SEMA6D: variants seen among roughly 807,000 people sequenced by gnomAD.
The protein encoded by SEMA6D is semaphorin 6D.
SEMA6D carries 35 observed loss-of-function variants against 106.6 expected under a neutral mutation model. That is an observed-to-expected ratio of 0.33 (90% CI 0.25 to 0.44). The LOEUF (loss-of-function observed/expected upper bound fraction) is 0.44, where lower values mean the gene tolerates loss of function less well. Among genes scored for constraint, SEMA6D ranks in the 20% least tolerant of loss-of-function variants. The pLI is 1.00. For missense variants in SEMA6D, 1,185 were observed against 1,345.9 expected, an observed-to-expected ratio of 0.88 and a Z score of 1.87; for synonymous variants, 499 against 487.7, an observed-to-expected ratio of 1.02 and a Z score of -0.31.
At position 47,774,088 on chromosome 15, in the gene SEMA6D, G is replaced by C. The variant is rs2082741107; in HGVS notation, c.*2303G>C. 6.6e-6 allele frequency: 1 copy of C among 152,496 alleles called. No individual in the cohort carries two copies. 9.4% of individuals were successfully genotyped at this position (152,496 alleles called of 1,614,324 possible). ...ATAAAAAGTAACCCTCAAGTGAAGT[G>C]TCTCTATACTGTTTTATAGAGTACT... is the stretch of plus-strand genomic sequence containing the variant. On this transcript the variant is annotated 3_prime_UTR_variant, in exon 19 of 19. Transcript: ENST00000536845.
intron 1 of SEMA6D, among the ~76,000 whole-genome samples, chr15:47,225,861 TTTGGTATAACAG>T (rs1319522612): frequency 1.3e-5 from 2 of 152,104 alleles, no homozygotes; most frequent in African/African-American, 4.8e-5. Flanking sequence ...TCTTTGACTG[TTTGGTATAACAG>T]TACTTTATTG....
chr15:47,528,532 A>G (rs2044839199), intron 3 of SEMA6D, among the ~76,000 whole-genome samples: 1 of 151,994 alleles, frequency 6.6e-6, no homozygotes, highest in South Asian at 2.1e-4. Flanking sequence ...AGAAGACTGG[A>G]TTTTCAGCCT....
chr15:47,646,291 G>A lies in SEMA6D; in HGVS notation c.-55+45395G>A, dbSNP rs931848509. 5.9e-5 allele frequency among the ~76,000 whole-genome samples: 9 copies of A among 152,274 alleles called. No homozygotes were observed. In the East Asian group the frequency reaches 7.7e-4, roughly 13 times the overall value. The stretch of plus-strand genomic sequence containing the variant: ...GCTGATTTCAACGGTTTTAGAAGCC[G>A]TATGCCAGGAAACTTACCAAATAAA... On this transcript the variant is annotated intron_variant, in intron 4 of 19. Transcript: ENST00000558014.
chr15:47,231,799 CAG>C (rs1281914564), intron 1 of SEMA6D, among the ~76,000 whole-genome samples: 2 of 151,936 alleles, frequency 1.3e-5, no homozygotes, highest in African/African-American at 4.8e-5. Context: ...ATAGGCTAAA[CAG>C]AAATTATAAA....
chr15:47,400,487 T>TAAAAAAAA (rs1595907463), intron 1 of SEMA6D, among the ~76,000 whole-genome samples: 3 of 54,646 alleles, frequency 5.5e-5, no homozygotes, highest in Admixed American at 2.2e-4. Context: ...AGACTCTGTC[T>TAAAAAAAA]CAAAAAAAAA....
chr15:47,771,675 C>T lies in SEMA6D; in HGVS notation c.3112C>T (p.Pro1038Ser). The T allele has an allele frequency of 6.2e-7, 1 of 1,614,126 alleles. No individual in the cohort carries two copies. Among genetic ancestry groups the T allele is most frequent in the Non-Finnish European group, 8.5e-7 (1 of 1,179,990 alleles). ...CAGCTACACCAGTAATGGCACTCTT[C>T]CTAGGACGGGACTAAAGAGGACGCC... ...QSSYTSNGTL[P>S]RTGLKRTPSL... The change falls in exon 19 of 19, where the codon CCT becomes TCT. Residue 1038 changes from proline to serine, a missense_variant. By Grantham distance (74) the Pro-to-Ser change is moderately conservative (BLOSUM62 -1). Coordinates refer to ENST00000536845, the MANE Select transcript of SEMA6D (RefSeq NM_001358351.3).
At chr15:47,553,776 G>A (rs1435749) in intron 3 of SEMA6D, among the ~76,000 whole-genome samples, 70,674 of 151,908 alleles carry the variant, frequency 0.47, 17,308 homozygotes, top group Non-Finnish European at 0.54. Flanking sequence ...CTGTGAATTA[G>A]TGCATTACAT....
chr15:47,341,280 C>T (rs2037801866), intron 1 of SEMA6D, among the ~76,000 whole-genome samples: 2 of 152,052 alleles, frequency 1.3e-5, no homozygotes, highest in South Asian at 2.1e-4. Context: ...ATCCCAGCTA[C>T]TCAGGAGGCT....
intron 4 of SEMA6D, among the ~76,000 whole-genome samples, chr15:47,680,429 G>A (rs2078329860): frequency 6.6e-6 from 1 of 152,112 alleles, no homozygotes; most frequent in South Asian, 2.1e-4. Context: ...ATGGAAACTT[G>A]ATTAATGAAT....
intron 3 of SEMA6D, among the ~76,000 whole-genome samples, chr15:47,549,508 T>G (rs1435745): frequency 0.47 from 71,643 of 151,996 alleles, 17,639 homozygotes; most frequent in Non-Finnish European, 0.55. Context: ...TACAGTGCTA[T>G]TCCATATCTT....
chr15:47,301,904 A>G (rs2036037642), intron 1 of SEMA6D, among the ~76,000 whole-genome samples: 1 of 152,248 alleles, frequency 6.6e-6, no homozygotes, highest in Non-Finnish European at 1.5e-5. Flanking sequence ...CAAATGCAAT[A>G]TATAAGACTA....
intron 15 of SEMA6D, among the ~76,000 whole-genome samples, chr15:47,766,392 A>T (rs1250024517): frequency 2.6e-5 from 4 of 152,128 alleles, no homozygotes; most frequent in Non-Finnish European, 5.9e-5. Flanking sequence ...AGGGAAATGG[A>T]TGGAGAGAAA....
chr15:47,488,517 A>G (rs761315434), intron 3 of SEMA6D, among the ~76,000 whole-genome samples: 4 of 152,064 alleles, frequency 2.6e-5, no homozygotes, highest in Admixed American at 2.0e-4. Context: ...CATAGTATGT[A>G]CTATGAGATA....
chr15:47,532,811 G>A (rs2045018556), intron 3 of SEMA6D, among the ~76,000 whole-genome samples: 1 of 152,172 alleles, frequency 6.6e-6, no homozygotes, highest in South Asian at 2.1e-4. Context: ...CCATATCTGA[G>A]TACAGCTGGA....
chr15:47,672,650 A>G (rs1174520737), intron 4 of SEMA6D, among the ~76,000 whole-genome samples: 3 of 152,200 alleles, frequency 2.0e-5, no homozygotes, highest in Non-Finnish European at 1.5e-5. Flanking sequence ...ATATCAATAA[A>G]AACATTTGGA....
intron 3 of SEMA6D, among the ~76,000 whole-genome samples, chr15:47,492,066 C>A (rs549545758): frequency 6.6e-6 from 1 of 152,122 alleles, no homozygotes; most frequent in East Asian, 1.9e-4. Context: ...TGGTAACTTC[C>A]CAATTAGTGG....
At chr15:47,437,742 T>G (rs2041764946) in intron 2 of SEMA6D, among the ~76,000 whole-genome samples, 2 of 152,124 alleles carry the variant, frequency 1.3e-5, no homozygotes, top group African/African-American at 4.8e-5. Context: ...TGCAGGTGAT[T>G]CAGCTAATTT....
intron 1 of SEMA6D, among the ~76,000 whole-genome samples, chr15:47,314,988 C>A (rs1446970228): frequency 6.7e-6 from 1 of 149,464 alleles, no homozygotes; most frequent in East Asian, 2.0e-4. Context: ...GCCTCAGCCT[C>A]CCGAGTAGCT....
intron 3 of SEMA6D, among the ~76,000 whole-genome samples, chr15:47,480,418 G>A (rs112331412): frequency 0.027 from 4,069 of 152,030 alleles, 186 homozygotes; most frequent in African/African-American, 0.093. Flanking sequence ...TTACCCACAA[G>A]CAAGGCCCAA....
Sources: allele counts gnomAD v4.1 joint callset (sites outside exome capture counted in the v4.1 genomes callset), GRCh38; gene constraint gnomAD v4.1.1; transcripts MANE v1.5; gene names NCBI Gene and HGNC (gene_info 2026-07-23, HGNC 2026-07-21).